RBFOX1: variants seen among roughly 807,000 people sequenced by gnomAD.
RBFOX1 encodes RNA binding fox-1 homolog 1.
In RBFOX1, 8 loss-of-function variants were observed where a neutral mutation model predicts 57.7. That is an observed-to-expected ratio of 0.14 (90% CI 0.08 to 0.25). RBFOX1 has a LOEUF of 0.25. Among genes scored for constraint, RBFOX1 ranks in the 10% least tolerant of loss-of-function variants. RBFOX1 has a pLI of 1.00. For synonymous variants in RBFOX1, 326 were observed against 222.4 expected, an observed-to-expected ratio of 1.47 and a Z score of -4.15; for missense variants, 611 against 548.5, an observed-to-expected ratio of 1.11 and a Z score of -1.14.
At chr16:5,646,896 C>G (rs6500711) in intron 3 of RBFOX1, among the ~76,000 whole-genome samples, 145,512 of 152,208 alleles carry the variant, frequency 0.96, 69,604 homozygotes, top group East Asian at 1. Flanking sequence ...GCCTCCCAAA[C>G]TGCTGATATT....
In RBFOX1 at chr16:6,395,463, G is replaced by A. The variant is rs182270377; in HGVS notation, c.-64+78406G>A. 5.3e-5 allele frequency among the ~76,000 whole-genome samples: 8 copies of A among 152,108 alleles called. No individual in the cohort carries two copies. The East Asian group carries it at 1.5e-3, about 29-fold the overall frequency. On this transcript the variant is annotated intron_variant, in intron 2 of 15. Transcript: ENST00000550418. The stretch of plus-strand genomic sequence containing the variant: ...ATGGCTCTGTAACTTTCTACCTTGT[G>A]ACTATTGCATGGTTGTTTTGACCTT...
In RBFOX1 at chr16:7,197,440, GAAAAAAAA is replaced by G. The variant is rs57893229; in HGVS notation, c.27+145357_27+145364del. 5.7e-3 allele frequency among the ~76,000 whole-genome samples: 521 copies of G among 91,326 alleles called. 2 individuals are homozygous for G. Among genetic ancestry groups the G allele is most frequent in the Non-Finnish European group, 8.4e-3 (401 of 47,642 alleles). The allele number at this position is 91,326 out of a possible 152,430, so 59.9% of individuals were successfully genotyped here. ...GAGAGAGCCTAAAAACCTGTGAGTG[GAAAAAAAA>G]AAAAAAAAAAAAAACATCAAGCTGT... is the stretch of plus-strand genomic sequence containing the variant. On this transcript the variant is annotated intron_variant, in intron 4 of 15. Coordinates refer to ENST00000550418, the MANE Select transcript of RBFOX1 (RefSeq NM_018723.4).
intron 4 of RBFOX1, among the ~76,000 whole-genome samples, chr16:5,987,486 A>C (rs990785565): frequency 3.9e-5 from 6 of 152,146 alleles, no homozygotes; most frequent in Non-Finnish European, 8.8e-5. Context: ...TATTTTTCAA[A>C]GCTTTTTATA....
intron 1 of RBFOX1, among the ~76,000 whole-genome samples, chr16:6,221,725 C>T (rs543204970): frequency 5.3e-5 from 8 of 152,270 alleles, no homozygotes; most frequent in East Asian, 1.9e-4. Flanking sequence ...AGCAAAGTCA[C>T]GTCTTATGTG....
At chr16:7,140,171 TC>T (rs1706670071) in intron 4 of RBFOX1, among the ~76,000 whole-genome samples, 1 of 147,022 alleles carries the variant, frequency 6.8e-6, no homozygotes, top group African/African-American at 2.5e-5. Context: ...TCTCTCTCTC[TC>T]TCTCTCTCTC....
chr16:7,680,459 T>G (rs1163226774), intron 14 of RBFOX1, among the ~76,000 whole-genome samples: 1 of 152,116 alleles, frequency 6.6e-6, no homozygotes, highest in Middle Eastern at 3.2e-3. Context: ...TCCCTCCACG[T>G]CAGGGCTGAA....
intron 1 of RBFOX1, among the ~76,000 whole-genome samples, chr16:6,210,191 G>A (rs1244800019): frequency 1.2e-4 from 18 of 151,314 alleles, no homozygotes; most frequent in African/African-American, 4.1e-4. Context: ...GGTGGTGGGC[G>A]CCTTTAATCC....
At chr16:6,667,822 G>A (rs573278708) in intron 3 of RBFOX1, among the ~76,000 whole-genome samples, 2 of 152,066 alleles carry the variant, frequency 1.3e-5, no homozygotes, top group South Asian at 2.1e-4. Flanking sequence ...CCAGGAGTTC[G>A]AGGCTGCAGT....
At chr16:6,495,449 G>T (rs1567436842) in intron 2 of RBFOX1, among the ~76,000 whole-genome samples, 1 of 149,874 alleles carries the variant, frequency 6.7e-6, no homozygotes, top group Non-Finnish European at 1.5e-5. Context: ...TCTATAAGAT[G>T]ATGTCCCCAC....
intron 2 of RBFOX1, among the ~76,000 whole-genome samples, chr16:6,539,806 GAC>G (rs35407844): frequency 0.048 from 6,476 of 136,094 alleles, 518 homozygotes; most frequent in African/African-American, 0.15. Flanking sequence ...TCAAAACACA[GAC>G]ACACACACAC....
At chr16:7,439,135 C>T (rs1598433196) in intron 4 of RBFOX1, among the ~76,000 whole-genome samples, 1 of 152,178 alleles carries the variant, frequency 6.6e-6, no homozygotes, top group African/African-American at 2.4e-5. Flanking sequence ...ATGCCCTTGT[C>T]CTTCTGCTTA....
chr16:6,512,524 G>C (rs2096276150), intron 2 of RBFOX1, among the ~76,000 whole-genome samples: 2 of 152,096 alleles, frequency 1.3e-5, no homozygotes, highest in Non-Finnish European at 1.5e-5. Context: ...TAGAGGGTCT[G>C]GACCAAGACT....
chr16:6,165,759 C>T (rs1377528552), intron 1 of RBFOX1, among the ~76,000 whole-genome samples: 1 of 152,194 alleles, frequency 6.6e-6, no homozygotes. Context: ...TGTTCAGCTC[C>T]TTCAGGAGTT....
intron 2 of RBFOX1, among the ~76,000 whole-genome samples, chr16:6,337,380 C>T (rs1022215486): frequency 2.6e-5 from 4 of 152,202 alleles, no homozygotes; most frequent in Admixed American, 1.3e-4. Flanking sequence ...CGCCATCAAC[C>T]TGAAAAGCCA....
chr16:7,041,525 T>C (rs2046187038), intron 3 of RBFOX1, among the ~76,000 whole-genome samples: 1 of 152,146 alleles, frequency 6.6e-6, no homozygotes, highest in African/African-American at 2.4e-5. Flanking sequence ...TCATTCGCCG[T>C]TGCACTCTGG....
At chr16:7,095,238 A>T (rs946647887) in intron 4 of RBFOX1, among the ~76,000 whole-genome samples, 2 of 151,922 alleles carry the variant, frequency 1.3e-5, no homozygotes, top group Admixed American at 1.3e-4. Flanking sequence ...CCAGGTTCAA[A>T]CGATTCTCCT....
chr16:5,730,474 T>C (rs1055501822), intron 3 of RBFOX1, among the ~76,000 whole-genome samples: 5 of 152,226 alleles, frequency 3.3e-5, no homozygotes, highest in Non-Finnish European at 2.9e-5. Context: ...TGTTAATCTA[T>C]GATCCTATCA....
At chr16:6,266,016 A>G (rs1259230581) in intron 1 of RBFOX1, among the ~76,000 whole-genome samples, 2 of 152,150 alleles carry the variant, frequency 1.3e-5, no homozygotes, top group East Asian at 1.9e-4. Context: ...TTCTTACTGC[A>G]GGAGGATTTT....
At chr16:6,845,782 A>G (rs1255031010) in intron 3 of RBFOX1, among the ~76,000 whole-genome samples, 2 of 152,206 alleles carry the variant, frequency 1.3e-5, no homozygotes, top group African/African-American at 4.8e-5. Flanking sequence ...CAGATCCTCA[A>G]ACAAGTAAGG....
Sources: gnomAD v4.1 joint callset for allele counts (sites outside exome capture counted in the v4.1 genomes callset) on GRCh38, gnomAD v4.1.1 for gene constraint, MANE v1.5 for transcripts, NCBI Gene and HGNC (gene_info 2026-07-23, HGNC 2026-07-21) for gene names.